The following LZTFL1 variants were observed in gnomAD, a reference collection of about 807,000 sequenced individuals.
LZTFL1 encodes leucine zipper transcription factor like 1.
In LZTFL1, 25 loss-of-function variants were observed where a neutral mutation model predicts 45.9. The observed-to-expected ratio is 0.54, with a 90% CI of 0.40 to 0.76. LZTFL1 has a LOEUF of 0.76. LZTFL1 is among the 30% of genes least tolerant of loss of function. LZTFL1 has a pLI of 0.00. For synonymous variants in LZTFL1, 93 were observed against 117.4 expected, an observed-to-expected ratio of 0.79 and a Z score of 1.35; for missense variants, 277 against 331.1, an observed-to-expected ratio of 0.84 and a Z score of 1.27.
chr3:45,907,365 A>G (rs1056239983), intron 2 of LZTFL1, among the ~76,000 whole-genome samples: 2 of 152,074 alleles, frequency 1.3e-5, no homozygotes, highest in Non-Finnish European at 2.9e-5. Context: ...CTGGACGAAC[A>G]CTGTGCCTGC....
In LZTFL1 at chr3:45,900,941, C is replaced by T. The variant is rs1575305986; in HGVS notation, c.-215+12179G>A. 4 of 1,614,256 alleles carry T rather than the reference C, an allele frequency of 2.5e-6. No homozygotes were observed. In the East Asian group the frequency reaches 6.7e-5, roughly 27 times the overall value. On this transcript the variant is annotated intron_variant, in intron 2 of 4. Coordinates refer to the LZTFL1 transcript ENST00000472635. This position sits in a 1 kb window ranked among gnomAD's most constrained non-coding sequence, Gnocchi z 4.7. Reference sequence around the variant, plus strand: ...TCAGGCAGTTTGCGAGCCATTTCCTCCCACCCTTGTACTGGCTCGTGTTCA... The same window carrying T: ...TCAGGCAGTTTGCGAGCCATTTCCTTCCACCCTTGTACTGGCTCGTGTTCA...
intron 1 of LZTFL1, among the ~76,000 whole-genome samples, chr3:45,839,815 G>C (rs1701060240): frequency 6.6e-6 from 1 of 152,148 alleles, no homozygotes; most frequent in South Asian, 2.1e-4. Context: ...GTACACACAT[G>C]CTCCACCACA....
chr3:45,879,712 T>C (rs1701817505), intron 2 of LZTFL1, among the ~76,000 whole-genome samples: 1 of 152,238 alleles, frequency 6.6e-6, no homozygotes, highest in Admixed American at 6.5e-5. Context: ...GCCACTCTGA[T>C]GCAGGATGTT....
upstream of LZTFL1, among the ~76,000 whole-genome samples, chr3:45,843,856 G>A (rs941712239): frequency 1.3e-5 from 2 of 152,176 alleles, no homozygotes; most frequent in Admixed American, 1.3e-4. Flanking sequence ...GTTTACTAGT[G>A]CGGGTTGGTC....
chr3:45,863,211 T>C (rs1322325302), intron 2 of LZTFL1, among the ~76,000 whole-genome samples: 3 of 152,212 alleles, frequency 2.0e-5, no homozygotes, highest in East Asian at 1.9e-4. Flanking sequence ...AGGAACTATA[T>C]TTCAAGGTAA....
chr3:45,895,373 T>TTC (rs768158486), intron 2 of LZTFL1, among the ~76,000 whole-genome samples: 2 of 152,204 alleles, frequency 1.3e-5, no homozygotes, highest in Non-Finnish European at 2.9e-5. Context: ...TGAAAACACG[T>TTC]AACAGTATAC....
chr3:45,894,962 C>CAGACTTCACAGAGG, intron 2 of LZTFL1: 2 of 1,613,674 alleles, frequency 1.2e-6, no homozygotes, highest in Non-Finnish European at 8.5e-7. Flanking sequence ...ACAGTGAGTA[C>CAGACTTCACAGAGG]AGCCGTGCTC....
intron 2 of LZTFL1, among the ~76,000 whole-genome samples, chr3:45,874,330 T>A (rs910968533): frequency 2.0e-5 from 3 of 152,214 alleles, no homozygotes; most frequent in Non-Finnish European, 4.4e-5. Context: ...GATGTTATAC[T>A]ATGTTGCTCT....
At chr3:45,895,621 C>T (rs1008991795) in intron 2 of LZTFL1, among the ~76,000 whole-genome samples, 75 of 151,712 alleles carry the variant, frequency 4.9e-4, no homozygotes, top group African/African-American at 1.8e-3. Context: ...GGCTGAGGCA[C>T]GAGAGTCGCT....
chr3:45,906,042 C>T (rs1702672338), intron 2 of LZTFL1, among the ~76,000 whole-genome samples: 1 of 152,176 alleles, frequency 6.6e-6, no homozygotes, highest in Non-Finnish European at 1.5e-5. Context: ...AAACACCTTG[C>T]ACCCCAAACT....
Position 45,830,787 on chromosome 3 carries a change from A to G in LZTFL1, c.600+126T>C, listed in dbSNP as rs950292868. The G allele has an allele frequency of 5.1e-6, 4 of 783,102 alleles. No homozygotes were observed. In the African/African-American group the frequency reaches 6.9e-5, roughly 14 times the overall value. 48.5% of individuals were successfully genotyped at this position (783,102 alleles called of 1,614,324 possible). A position where few individuals can be genotyped will look rare whatever the true frequency, so the allele number is the denominator to read the frequency against. ...GGCAAGAATGTCCCAACACATGACA[A>G]TAGAGGCATTTGTCTCAGGGAGTAG... is the stretch of plus-strand genomic sequence containing the variant. On this transcript the variant is annotated intron_variant, in intron 7 of 9. Coordinates refer to ENST00000296135, the MANE Select transcript of LZTFL1 (RefSeq NM_020347.4).
At chr3:45,882,875 G>T (rs960971355) in intron 2 of LZTFL1, among the ~76,000 whole-genome samples, 1 of 150,786 alleles carries the variant, frequency 6.6e-6, no homozygotes, top group Non-Finnish European at 1.5e-5. Context: ...ATGCATTTTT[G>T]TATTAGAGAT....
intron 2 of LZTFL1, among the ~76,000 whole-genome samples, chr3:45,911,348 A>G (rs1702791922): frequency 6.6e-6 from 1 of 152,230 alleles, no homozygotes; most frequent in South Asian, 2.1e-4. Flanking sequence ...CCCAGAAGTA[A>G]TCAAAAGAGC....
At chr3:45,895,629 G>A (rs1191406423) in intron 2 of LZTFL1, among the ~76,000 whole-genome samples, 3 of 151,892 alleles carry the variant, frequency 2.0e-5, no homozygotes, top group South Asian at 4.1e-4. Context: ...CACGAGAGTC[G>A]CTTGAGCCTG....
chr3:45,866,767 T>C (rs1324195692), intron 2 of LZTFL1, among the ~76,000 whole-genome samples: 1 of 152,220 alleles, frequency 6.6e-6, no homozygotes, highest in Non-Finnish European at 1.5e-5. Context: ...ACAGAAGACT[T>C]GTATTCACCA....
At chr3:45,905,345 A>G (rs1013680011) in intron 2 of LZTFL1, among the ~76,000 whole-genome samples, 1 of 152,254 alleles carries the variant, frequency 6.6e-6, no homozygotes, top group African/African-American at 2.4e-5. Context: ...ACATTATTAG[A>G]ACAGACAACC....
chr3:45,870,436 C>A (rs948826983), intron 2 of LZTFL1, among the ~76,000 whole-genome samples: 7 of 152,184 alleles, frequency 4.6e-5, no homozygotes, highest in African/African-American at 1.7e-4. Flanking sequence ...AAATTGCTAT[C>A]CTCAGGGTGA....
intron 1 of LZTFL1, chr3:45,841,558 G>A (rs1038453642): frequency 5.8e-6 from 1 of 173,726 alleles, no homozygotes; most frequent in African/African-American, 2.4e-5. Context: ...GTAAACCTTA[G>A]AGCTTCCTGA....
chr3:45,901,240 C>A lies in LZTFL1; in HGVS notation c.-215+11880G>T, dbSNP rs1702545010. 2 of 1,614,044 alleles carry A rather than the reference C, an allele frequency of 1.2e-6. No homozygotes were observed. The highest frequency in any genetic ancestry group is 3.3e-5 in the Admixed American group (2 of 60,014). ...GACAGGTACATTGCCATTGCCCAGG[C>A]CATGAGAGCACATACTTGGAGGGAG... On this transcript the variant is annotated intron_variant, in intron 2 of 4. Transcript: ENST00000472635. The surrounding 1 kb of genome is among the most constrained non-coding windows in gnomAD (Gnocchi z 4.3).
Sources: allele counts gnomAD v4.1 joint callset (sites outside exome capture counted in the v4.1 genomes callset), GRCh38; gene constraint gnomAD v4.1.1; non-coding constraint Gnocchi (gnomAD v3.1); transcripts MANE v1.5; gene names NCBI Gene and HGNC (gene_info 2026-07-23, HGNC 2026-07-21).